Variants in KCNQ5 observed in about 807,000 individuals in gnomAD.
The protein encoded by KCNQ5 is potassium voltage-gated channel subfamily KQT member 5.
KCNQ5 carries 30 observed loss-of-function variants against 98.2 expected under a neutral mutation model. That is an observed-to-expected ratio of 0.31 (90% CI 0.23 to 0.41). The LOEUF (loss-of-function observed/expected upper bound fraction) is 0.41. KCNQ5 is among the 10% of genes least tolerant of loss of function. KCNQ5 has a pLI of 1.00. For synonymous variants in KCNQ5, 458 were observed against 449.4 expected (o/e 1.02, Z -0.24); for missense variants, 835 against 1,182.5 (o/e 0.71, Z 4.31).
chr6:72,780,535 C>T (rs897124075), intron 1 of KCNQ5, among the ~76,000 whole-genome samples: 1 of 152,126 alleles, frequency 6.6e-6, no homozygotes. Flanking sequence ...CTGGAGCATC[C>T]CAGACTTGGG....
At chr6:72,958,471 A>G (rs1767188818) in intron 1 of KCNQ5, among the ~76,000 whole-genome samples, 1 of 152,204 alleles carries the variant, frequency 6.6e-6, no homozygotes, top group Non-Finnish European at 1.5e-5. Flanking sequence ...CATGGGCACA[A>G]TCACAGCCAC....
chr6:72,945,013 CA>C lies in KCNQ5; in HGVS notation c.399-58886del, dbSNP rs572855017. Among the ~76,000 whole-genome samples the C allele has an allele frequency of 8.0e-3, 1,202 of 150,762 alleles. 19 individuals carry two copies. The highest frequency in any genetic ancestry group is 0.026 in the African/African-American group (1,065 of 41,172). On this transcript the variant is annotated intron_variant, in intron 1 of 13. Coordinates refer to ENST00000370398, the MANE Select transcript of KCNQ5 (RefSeq NM_019842.4). The stretch of plus-strand genomic sequence containing the variant: ...TATTTTTCTCTTGCCCTCATCCTTC[CA>C]AAAAAAAATTCATATTCTGCTACTA...
chr6:73,131,079 A>G (rs990992983), intron 9 of KCNQ5, among the ~76,000 whole-genome samples: 3 of 152,126 alleles, frequency 2.0e-5, no homozygotes, highest in African/African-American at 7.2e-5. Flanking sequence ...TTTAGAGAAT[A>G]TTATTCACAT....
At chr6:73,065,567 C>T (rs1252298710) in intron 3 of KCNQ5, among the ~76,000 whole-genome samples, 2 of 152,172 alleles carry the variant, frequency 1.3e-5, no homozygotes, top group Non-Finnish European at 2.9e-5. Context: ...CACATCTGAT[C>T]CTGCACTCTG....
intron 1 of KCNQ5, chr6:72,640,699 C>T (rs897293317): frequency 2.0e-5 from 3 of 152,126 alleles, no homozygotes; most frequent in African/African-American, 7.2e-5. Context: ...GCTGGAAGGA[C>T]CTTTGGTGAC....
intron 5 of KCNQ5, among the ~76,000 whole-genome samples, chr6:73,086,280 C>A (rs1773985098): frequency 6.6e-6 from 1 of 152,080 alleles, no homozygotes. Context: ...ATCCCACCTT[C>A]TCCTTGTCTA....
rs771538257 is a variant in KCNQ5 at position 73,138,175 on chromosome 6, T to A, written c.1468+4534T>A. 2.6e-5 allele frequency among the ~76,000 whole-genome samples: 4 copies of A among 152,240 alleles called. No individual in the cohort carries two copies. The South Asian group carries it at 6.2e-4, about 24-fold the overall frequency. On this transcript the variant is annotated intron_variant, in intron 10 of 13. Transcript: ENST00000370398. ...TCTATTTTCCCTGGAGGGAGGCCAA[T>A]GGTAGGGTCATCTGAGGCCTGTTTC...
chr6:72,770,022 G>A (rs1772777439), intron 1 of KCNQ5, among the ~76,000 whole-genome samples: 1 of 152,082 alleles, frequency 6.6e-6, no homozygotes. Flanking sequence ...AAAAGAAACA[G>A]AAGCCTGTAA....
chr6:72,959,459 T>G (rs577848131), intron 1 of KCNQ5, among the ~76,000 whole-genome samples: 1 of 152,368 alleles, frequency 6.6e-6, no homozygotes, highest in African/African-American at 2.4e-5. Flanking sequence ...AAAACATGTA[T>G]GTATTGATTA....
chr6:72,696,798 A>G (rs555046931), intron 1 of KCNQ5, among the ~76,000 whole-genome samples: 29 of 152,308 alleles, frequency 1.9e-4, no homozygotes, highest in Middle Eastern at 3.4e-3. Context: ...ATGGCTTACT[A>G]TATGAAATTT....
At chr6:72,924,607 G>A (rs897779243) in intron 1 of KCNQ5, among the ~76,000 whole-genome samples, 2 of 152,124 alleles carry the variant, frequency 1.3e-5, no homozygotes, top group South Asian at 2.1e-4. Flanking sequence ...GAGCTCTCAC[G>A]CAGGTGGAAG....
At position 73,149,579 on chromosome 6, in the gene KCNQ5, C is replaced by T. The variant is rs1267018658; in HGVS notation, c.1468+15938C>T. 2.0e-5 allele frequency among the ~76,000 whole-genome samples: 3 copies of T among 152,010 alleles called. No individual in the cohort carries two copies. In the East Asian group the frequency reaches 5.8e-4, roughly 29 times the overall value. On this transcript the variant is annotated intron_variant, in intron 10 of 13. Transcript: ENST00000370398. ...TTGGGATGCTGAGGCAGGCAAATCA[C>T]GAGGTCAGGAGTTCAAGACCAGCCT...
intron 1 of KCNQ5, among the ~76,000 whole-genome samples, chr6:72,728,917 T>G (rs1218124329): frequency 1.3e-5 from 2 of 152,234 alleles, no homozygotes; most frequent in Non-Finnish European, 2.9e-5. Context: ...CATATTTTAA[T>G]GACCCAAGCA....
chr6:72,665,116 G>A (rs111587544), intron 1 of KCNQ5, among the ~76,000 whole-genome samples: 58 of 152,196 alleles, frequency 3.8e-4, no homozygotes, highest in African/African-American at 1.3e-3. Flanking sequence ...GGGAGGCCAC[G>A]GTAGGTGTAT....
At chr6:72,868,084 G>A (rs1276708620) in intron 1 of KCNQ5, among the ~76,000 whole-genome samples, 1 of 152,126 alleles carries the variant, frequency 6.6e-6, no homozygotes, top group African/African-American at 2.4e-5. Context: ...AGAGTTACAT[G>A]GACTGCATGT....
intron 1 of KCNQ5, among the ~76,000 whole-genome samples, chr6:72,912,550 C>G (rs1219269009): frequency 6.6e-6 from 1 of 152,156 alleles, no homozygotes; most frequent in African/African-American, 2.4e-5. Context: ...AAATTCAAGT[C>G]ATGGGATATT....
intron 1 of KCNQ5, among the ~76,000 whole-genome samples, chr6:72,665,427 T>A (rs1766762872): frequency 1.3e-5 from 2 of 151,820 alleles, no homozygotes; most frequent in African/African-American, 4.8e-5. Context: ...TAAAAGTAAG[T>A]ACCAGAGTCT....
intron 3 of KCNQ5, among the ~76,000 whole-genome samples, chr6:73,048,672 A>G (rs1317849190): frequency 1.3e-5 from 2 of 152,318 alleles, no homozygotes; most frequent in African/African-American, 4.8e-5. Context: ...ATTATTACCC[A>G]TTTATGTTTA....
chr6:72,891,225 G>A (rs1394083869), intron 1 of KCNQ5, among the ~76,000 whole-genome samples: 1 of 152,142 alleles, frequency 6.6e-6, no homozygotes, highest in Non-Finnish European at 1.5e-5. Flanking sequence ...CATAATGCTA[G>A]TATTGCACAG....
Sources: allele counts gnomAD v4.1 joint callset (sites outside exome capture counted in the v4.1 genomes callset), GRCh38; gene constraint gnomAD v4.1.1; transcripts MANE v1.5; gene names NCBI Gene and HGNC (gene_info 2026-07-23, HGNC 2026-07-21).